Variants in CD72 observed in about 807,000 individuals in gnomAD.
CD72 encodes CD72 molecule.
CD72 carries 28 observed loss-of-function variants against 50.7 expected under a neutral mutation model. The observed-to-expected ratio is 0.55, with a 90% CI of 0.41 to 0.76. The LOEUF (loss-of-function observed/expected upper bound fraction) is 0.76. Ranked by LOEUF, CD72 falls within the 30% of genes least tolerant of loss-of-function variation. CD72 has a pLI of 0.00. For synonymous variants in CD72, 176 were observed against 171.2 expected, an observed-to-expected ratio of 1.03 and a Z score of -0.22; for missense variants, 403 against 420.6, an observed-to-expected ratio of 0.96 and a Z score of 0.37.
At chr9:35,610,938 A>G (rs188420673) in intron 7 of CD72, among the ~76,000 whole-genome samples, 185 bp from the exon 8 acceptor site, 2 of 152,284 alleles carry the variant, frequency 1.3e-5, no homozygotes, top group Non-Finnish European at 2.9e-5. Flanking sequence ...CAGAGGGAAA[A>G]ATAACTCGAG....
chr9:35,625,797 C>T (rs1185280615), intron 1 of CD72, among the ~76,000 whole-genome samples: 5 of 152,190 alleles, frequency 3.3e-5, no homozygotes, highest in African/African-American at 1.2e-4. Flanking sequence ...ATCTATCCTT[C>T]CCGTGCTCTA....
chr9:35,642,895 A>G (rs1220929192), intron 1 of CD72: 2 of 152,136 alleles, frequency 1.3e-5, no homozygotes, highest in Admixed American at 6.5e-5. Flanking sequence ...AACTCCAACA[A>G]TTGGATTCCG....
intron 1 of CD72, among the ~76,000 whole-genome samples, chr9:35,645,633 C>A (rs537330112): frequency 2.0e-5 from 3 of 152,040 alleles, no homozygotes; most frequent in Non-Finnish European, 4.4e-5. Context: ...GCATTGTATG[C>A]GTATATCAAA....
At chr9:35,625,459 A>C (rs1460415250) in intron 1 of CD72, among the ~76,000 whole-genome samples, 2 of 152,248 alleles carry the variant, frequency 1.3e-5, no homozygotes, top group African/African-American at 4.8e-5. Context: ...TAAGGAAAGA[A>C]GCCAGCTCTA....
intron 6 of CD72, among the ~76,000 whole-genome samples, chr9:35,612,490 C>T (rs1022684556): frequency 1.3e-5 from 2 of 151,754 alleles, no homozygotes; most frequent in Non-Finnish European, 2.9e-5. Context: ...GAGGCTGAGA[C>T]GGGAGAATTG....
intron 3 of CD72, 127 bp downstream of exon 3, chr9:35,617,049 G>C (rs1355002582): frequency 1.4e-6 from 2 of 1,475,390 alleles, no homozygotes; most frequent in South Asian, 1.4e-5. Flanking sequence ...ACGGCAGCCC[G>C]GGCGTCGGAA....
intron 1 of CD72, among the ~76,000 whole-genome samples, chr9:35,635,465 C>T (rs1823282081): frequency 6.6e-6 from 1 of 152,116 alleles, no homozygotes; most frequent in South Asian, 2.1e-4. Flanking sequence ...AATGACTGTC[C>T]TCTCCTTTGA....
At chr9:35,622,792 A>AAATAAT (rs768466813), upstream of CD72, among the ~76,000 whole-genome samples, 91 of 150,838 alleles carry the variant, frequency 6.0e-4, 1 homozygote, top group Non-Finnish European at 1.2e-3. Flanking sequence ...GTCTCAAAAA[A>AAATAAT]AATAATAATA....
chr9:35,639,127 A>G (rs1477414688), intron 1 of CD72, among the ~76,000 whole-genome samples: 1 of 152,130 alleles, frequency 6.6e-6, no homozygotes, highest in Non-Finnish European at 1.5e-5. Context: ...ATCCAGTAGG[A>G]ATAAATTCAA....
At chr9:35,614,361 G>T (rs747768729) in intron 5 of CD72, among the ~76,000 whole-genome samples, 15 of 152,186 alleles carry the variant, frequency 9.9e-5, no homozygotes, top group Non-Finnish European at 1.6e-4. Flanking sequence ...AGGGAGAGGA[G>T]TGAGTAGGAA....
chr9:35,629,865 C>T (rs75942828), intron 1 of CD72, among the ~76,000 whole-genome samples: 10,730 of 152,262 alleles, frequency 0.07, 484 homozygotes, highest in African/African-American at 0.13. Context: ...TTCAGTTCCA[C>T]TGATTATGTC....
intron 1 of CD72, among the ~76,000 whole-genome samples, chr9:35,629,137 A>T (rs957645877): frequency 2.0e-5 from 3 of 152,138 alleles, no homozygotes; most frequent in African/African-American, 7.2e-5. Context: ...TGGGCCTCCC[A>T]AAGTACTGGA....
upstream of CD72, among the ~76,000 whole-genome samples, chr9:35,621,790 G>A (rs191313445): frequency 2.1e-4 from 32 of 152,264 alleles, no homozygotes; most frequent in East Asian, 4.8e-3. Context: ...TGATTTTGAA[G>A]GTGCAGGAAG....
At chr9:35,621,501 T>G (rs1198161997), upstream of CD72, among the ~76,000 whole-genome samples, 2 of 152,248 alleles carry the variant, frequency 1.3e-5, no homozygotes, top group African/African-American at 4.8e-5. Context: ...CCTAGTTTAC[T>G]GACAGGGTGT....
At chr9:35,634,040 G>A (rs910604589) in intron 1 of CD72, among the ~76,000 whole-genome samples, 1 of 152,154 alleles carries the variant, frequency 6.6e-6, no homozygotes, top group South Asian at 2.1e-4. Context: ...GTCTTTTAAT[G>A]GTAGATTTCA....
At chr9:35,645,352 C>T (rs190270737) in intron 1 of CD72, among the ~76,000 whole-genome samples, 16 of 152,262 alleles carry the variant, frequency 1.1e-4, no homozygotes, top group Admixed American at 9.8e-4. Flanking sequence ...GTAATCCCAG[C>T]GGGTGGATCA....
chr9:35,644,936 TCACGCCTG>T (rs55893182), intron 1 of CD72, among the ~76,000 whole-genome samples: 60,082 of 146,876 alleles, frequency 0.41, 12,906 homozygotes, highest in Non-Finnish European at 0.47. Context: ...GCGCGGTGGC[TCACGCCTG>T]TAATCCCAGC....
intron 3 of CD72, 131 bp from the exon 4 acceptor site, chr9:35,616,820 C>A: frequency 8.0e-6 from 8 of 1,001,830 alleles, no homozygotes; most frequent in Non-Finnish European, 1.2e-5. Flanking sequence ...GCTGAGGGGG[C>A]AAGCATGGTG....
At chr9:35,625,508 T>G (rs564020694) in intron 1 of CD72, among the ~76,000 whole-genome samples, 1 of 152,246 alleles carries the variant, frequency 6.6e-6, no homozygotes, top group Non-Finnish European at 1.5e-5. Context: ...AGTGCTGATG[T>G]AGAAGCTGCA....
Sources: gnomAD v4.1 joint callset for allele counts (sites outside exome capture counted in the v4.1 genomes callset) on GRCh38, gnomAD v4.1.1 for gene constraint, MANE v1.5 for transcripts, NCBI Gene and HGNC (gene_info 2026-07-23, HGNC 2026-07-21) for gene names.